Variants in BFSP1 observed in about 807,000 individuals in gnomAD.
BFSP1 encodes the protein filensin.
Under a neutral mutation model 43.9 loss-of-function variants are expected in BFSP1, and 38 were observed. That is an observed-to-expected ratio of 0.87 (90% CI 0.67 to 1.14). The LOEUF is 1.14. BFSP1 is among the 50% of genes most tolerant of loss of function. The pLI is 0.00. For synonymous variants in BFSP1, 352 were observed against 354.8 expected (o/e 0.99, Z 0.09); for missense variants, 850 against 875.1 (o/e 0.97, Z 0.36).
At chr20:17,553,862 C>CAT (rs376937575) in intron 1 of BFSP1, among the ~76,000 whole-genome samples, 34,910 of 86,194 alleles carry the variant, frequency 0.41, 6,181 homozygotes, top group African/African-American at 0.53. Context: ...TATATATACA[C>CAT]ATATATATAC....
chr20:17,504,551 G>C (rs776331664), intron 5 of BFSP1, among the ~76,000 whole-genome samples: 1 of 152,180 alleles, frequency 6.6e-6, no homozygotes, highest in African/African-American at 2.4e-5. Context: ...GGGGCTTCCA[G>C]GAGGAGGCAG....
chr20:17,564,675 G>A (rs1425873933), intron 1 of BFSP1, among the ~76,000 whole-genome samples: 3 of 151,904 alleles, frequency 2.0e-5, no homozygotes, highest in Non-Finnish European at 4.4e-5. Flanking sequence ...TGCAACCTCC[G>A]CCTCCCGGGT....
intron 5 of BFSP1, among the ~76,000 whole-genome samples, chr20:17,504,723 T>C (rs1376678312): frequency 6.6e-6 from 1 of 152,226 alleles, no homozygotes; most frequent in South Asian, 2.1e-4. Flanking sequence ...ACCTGAACTT[T>C]ATCCGGAGCC....
At chr20:17,516,880 T>A (rs1360270659) in intron 2 of BFSP1, 1 of 667,710 alleles carries the variant, frequency 1.5e-6, no homozygotes, top group Admixed American at 2.2e-5. Context: ...GGGAAGACCA[T>A]CACCCTCAAG....
At chr20:17,540,647 T>A (rs1005590944) in intron 1 of BFSP1, among the ~76,000 whole-genome samples, 2 of 152,086 alleles carry the variant, frequency 1.3e-5, no homozygotes, top group Non-Finnish European at 2.9e-5. Flanking sequence ...GTGCCCACCC[T>A]CCATCCTTCT....
At chr20:17,542,458 G>T (rs1221467827) in intron 1 of BFSP1, among the ~76,000 whole-genome samples, 1 of 151,448 alleles carries the variant, frequency 6.6e-6, no homozygotes, top group African/African-American at 2.4e-5. Context: ...AATTCACCAG[G>T]TGTGGTGCCA....
chr20:17,535,957 TA>T (rs1008025847), upstream of BFSP1, among the ~76,000 whole-genome samples: 2 of 151,974 alleles, frequency 1.3e-5, no homozygotes, highest in Non-Finnish European at 2.9e-5. Context: ...TTTATTTTTT[TA>T]AAAAAACAGG....
At chr20:17,548,181 A>AAC (rs1491264099) in intron 1 of BFSP1, among the ~76,000 whole-genome samples, 3 of 4,954 alleles carry the variant, frequency 6.1e-4, no homozygotes, top group Non-Finnish European at 1.4e-3. Context: ...AAAATAATGC[A>AAC]AAAAAAAAAA....
intron 1 of BFSP1, among the ~76,000 whole-genome samples, chr20:17,550,654 G>T (rs1234045746): frequency 2.0e-5 from 3 of 152,026 alleles, no homozygotes; most frequent in Non-Finnish European, 4.4e-5. Flanking sequence ...TGTATTTTTA[G>T]TAGAGATGGG....
exon 1 of BFSP1, chr20:17,558,885 G>T: frequency 1.5e-6 from 1 of 659,802 alleles, no homozygotes; most frequent in Non-Finnish European, 2.4e-6. Flanking sequence ...GGCTCAAGGG[G>T]TGGGAGGGAA....
At chr20:17,518,799 C>G (rs2034257066) in intron 2 of BFSP1, among the ~76,000 whole-genome samples, 1 of 152,176 alleles carries the variant, frequency 6.6e-6, no homozygotes, top group South Asian at 2.1e-4. Flanking sequence ...CTCAGAGTGA[C>G]CCAGCTCTGA....
intron 1 of BFSP1, chr20:17,541,177 G>T: frequency 1.2e-6 from 1 of 840,012 alleles, no homozygotes; most frequent in Non-Finnish European, 1.4e-6. Flanking sequence ...CCCCATTCTG[G>T]GCAACATAGT....
At chr20:17,567,098 T>C (rs745969214) in intron 1 of BFSP1, among the ~76,000 whole-genome samples, 2 of 152,136 alleles carry the variant, frequency 1.3e-5, no homozygotes, top group Non-Finnish European at 2.9e-5. Context: ...TATTAGTCTA[T>C]AGCATTGTAT....
intron 1 of BFSP1, among the ~76,000 whole-genome samples, chr20:17,538,932 G>A (rs765529862): frequency 7.9e-5 from 12 of 151,852 alleles, no homozygotes; most frequent in African/African-American, 9.7e-5. Flanking sequence ...ACCACAGCCC[G>A]TTTCCTTCTG....
intron 1 of BFSP1, among the ~76,000 whole-genome samples, chr20:17,528,602 G>A (rs755728720): frequency 6.6e-6 from 1 of 152,124 alleles, no homozygotes; most frequent in Non-Finnish European, 1.5e-5. Context: ...CAGTGTTCCC[G>A]AAAGAGCATA....
At chr20:17,524,714 A>G in intron 2 of BFSP1, 134 bp downstream of exon 2, 2 of 909,194 alleles carry the variant, frequency 2.2e-6, no homozygotes, top group Non-Finnish European at 3.6e-6. Flanking sequence ...TAACAAGTCA[A>G]GAGACAGAGT....
At position 17,494,730 on chromosome 20, in the gene BFSP1, C is replaced by A. The variant is rs1420665178; in HGVS notation, c.1342G>T (p.Val448Phe). The A allele has an allele frequency of 3.7e-6, 6 of 1,614,006 alleles. No homozygotes were observed. Among genetic ancestry groups the A allele is most frequent in the Non-Finnish European group, 5.1e-6 (6 of 1,180,030 alleles). The change falls in exon 8 of 8, where the codon GTC becomes TTC. Residue 448 changes from valine (V) to phenylalanine (F), a missense_variant. Transcript: ENST00000377873. ...SKGFGKLYRK[V>F]KEKVRSPKEP... Reference sequence around the variant, plus strand: ...TTGGGGCTTCTCACTTTCTCCTTGACCTTCCTGTATAGTTTCCCAAAGCCT... The same window carrying A: ...TTGGGGCTTCTCACTTTCTCCTTGAACTTCCTGTATAGTTTCCCAAAGCCT...
At chr20:17,497,615 T>C (rs1019104746) in intron 6 of BFSP1, among the ~76,000 whole-genome samples, 3 of 105,608 alleles carry the variant, frequency 2.8e-5, no homozygotes, top group African/African-American at 6.9e-5. Flanking sequence ...TACGTATATA[T>C]ACATATACAC....
intron 2 of BFSP1, among the ~76,000 whole-genome samples, chr20:17,522,368 T>G (rs778104831): frequency 1.3e-5 from 2 of 152,164 alleles, no homozygotes; most frequent in Non-Finnish European, 2.9e-5. Flanking sequence ...AACCACGGGC[T>G]GTTCTGAGGC....
Sources: gnomAD v4.1 joint callset for allele counts (sites outside exome capture counted in the v4.1 genomes callset) on GRCh38, gnomAD v4.1.1 for gene constraint, MANE v1.5 for transcripts, NCBI Gene and HGNC (gene_info 2026-07-23, HGNC 2026-07-21) for gene names.